Variants in RAB31 observed in about 807,000 individuals in gnomAD.
RAB31 encodes the protein ras-related protein Rab-31.
Under a neutral mutation model 25.6 loss-of-function variants are expected in RAB31, and 21 were observed. The ratio of observed to expected loss-of-function variants is 0.82; its 90% CI spans 0.58 to 1.18. The LOEUF (loss-of-function observed/expected upper bound fraction) is 1.18, where lower values mean the gene tolerates loss of function less well. Among genes scored for constraint, RAB31 ranks in the 50% most tolerant of loss-of-function variants. The probability of loss-of-function intolerance (pLI) is 0.00; values close to 1 mark genes in which losing one functional copy is unlikely to be tolerated. For synonymous variants in RAB31, 87 were observed against 84.0 expected (o/e 1.04, Z -0.20); for missense variants, 196 against 250.1 (o/e 0.78, Z 1.46).
intron 2 of RAB31, among the ~76,000 whole-genome samples, chr18:9,791,873 G>A (rs1482571899): frequency 2.0e-5 from 3 of 152,222 alleles, no homozygotes; most frequent in Admixed American, 2.0e-4. Flanking sequence ...CAAAGTGCCG[G>A]GATTACGGCA....
At chr18:9,754,279 AC>A (rs1205204928) in intron 1 of RAB31, among the ~76,000 whole-genome samples, 3 of 151,858 alleles carry the variant, frequency 2.0e-5, no homozygotes, top group African/African-American at 7.3e-5. Context: ...ACAAGTACAG[AC>A]TTTTTTCTCT....
chr18:9,773,696 G>A (rs1032947822), intron 1 of RAB31, among the ~76,000 whole-genome samples: 1 of 152,060 alleles, frequency 6.6e-6, no homozygotes, highest in Non-Finnish European at 1.5e-5. Flanking sequence ...ATCTCACTCT[G>A]TCACCCAGGC....
intron 1 of RAB31, among the ~76,000 whole-genome samples, chr18:9,711,699 AG>A (rs1297609849): frequency 6.6e-6 from 1 of 152,112 alleles, no homozygotes; most frequent in Admixed American, 6.6e-5. Flanking sequence ...CCTGTTTTTT[AG>A]CCATGAGACA....
chr18:9,756,834 C>T (rs1457674904), intron 1 of RAB31, among the ~76,000 whole-genome samples: 2 of 152,190 alleles, frequency 1.3e-5, no homozygotes, highest in African/African-American at 4.8e-5. Context: ...CTTAAAATTC[C>T]ACCACTGTGT....
chr18:9,810,594 C>T (rs944498065), intron 3 of RAB31, among the ~76,000 whole-genome samples: 5 of 152,122 alleles, frequency 3.3e-5, no homozygotes, highest in African/African-American at 7.2e-5. Context: ...TATTTCAAAG[C>T]GATTCCATTT....
intron 5 of RAB31, among the ~76,000 whole-genome samples, chr18:9,832,530 G>A (rs1025185361): frequency 1.6e-4 from 24 of 152,226 alleles, no homozygotes; most frequent in African/African-American, 5.1e-4. Context: ...GCTTGCAGGC[G>A]AAGGAGGAGA....
intron 3 of RAB31, among the ~76,000 whole-genome samples, chr18:9,812,807 C>T (rs2143074670): frequency 6.7e-6 from 1 of 149,532 alleles, no homozygotes; most frequent in East Asian, 2.0e-4. Flanking sequence ...TAGCATTTCT[C>T]CTGCCTCAGC....
intron 3 of RAB31, chr18:9,797,634 T>G (rs2068493422): frequency 6.6e-6 from 1 of 152,076 alleles, no homozygotes; most frequent in South Asian, 2.1e-4. Context: ...GATTGAAAAA[T>G]CACACAAAAA....
At chr18:9,712,080 C>T (rs1401337357) in intron 1 of RAB31, among the ~76,000 whole-genome samples, 1 of 152,302 alleles carries the variant, frequency 6.6e-6, no homozygotes, top group African/African-American at 2.4e-5. Context: ...GGGCCGGGTG[C>T]CAGGTCTTCT....
In RAB31 at chr18:9,841,780, A is replaced by T. The variant is rs944270735; in HGVS notation, c.381-3802A>T. On this transcript the variant is annotated intron_variant, in intron 5 of 6. Transcript: ENST00000578921. ...GGGAAACAGAACGATGGAATATCAG[A>T]TGAGTTAACATGTCATGTAAGGATT... is the stretch of plus-strand genomic sequence containing the variant. Among the ~76,000 whole-genome samples the T allele has an allele frequency of 2.0e-5, 3 of 152,158 alleles. No individual in the cohort carries two copies. The East Asian group carries it at 5.8e-4, about 29-fold the overall frequency.
chr18:9,843,001 C>A (rs1284154651), intron 5 of RAB31, among the ~76,000 whole-genome samples: 1 of 152,222 alleles, frequency 6.6e-6, no homozygotes, highest in Non-Finnish European at 1.5e-5. Flanking sequence ...GGCTGTGGTA[C>A]ATGATAACTG....
intron 3 of RAB31, among the ~76,000 whole-genome samples, chr18:9,805,977 A>C (rs544051744): frequency 2.6e-5 from 4 of 152,210 alleles, no homozygotes. Context: ...GATCGGGACC[A>C]TCCTGGCTAA....
chr18:9,782,107 C>T lies in RAB31; in HGVS notation c.119+6750C>T, dbSNP rs561001205. On this transcript the variant is annotated intron_variant, in intron 2 of 6. Coordinates refer to ENST00000578921, the MANE Select transcript of RAB31 (RefSeq NM_006868.4). ...ACTCCGCATGGGTGGCCAGGCCTCC[C>T]GGCTTCATGCCATTCCCGCTAGGTA... Among the ~76,000 whole-genome samples, 34 of 151,150 alleles carry T rather than the reference C, an allele frequency of 2.2e-4. 2 individuals carry two copies. The highest frequency in any genetic ancestry group is 1.6e-3 in the Admixed American group (25 of 15,270).
intron 1 of RAB31, among the ~76,000 whole-genome samples, chr18:9,741,040 G>A (rs185416257): frequency 6.6e-6 from 1 of 152,212 alleles, no homozygotes; most frequent in Non-Finnish European, 1.5e-5. Flanking sequence ...CATTGAGGCT[G>A]GTGACTCCTG....
intron 5 of RAB31, among the ~76,000 whole-genome samples, chr18:9,843,973 G>A (rs2068747642): frequency 6.6e-6 from 1 of 152,198 alleles, no homozygotes; most frequent in African/African-American, 2.4e-5. Flanking sequence ...CTCTGGGGCA[G>A]GTGGAGGAAG....
chr18:9,837,021 AT>A (rs1479869760), intron 5 of RAB31, among the ~76,000 whole-genome samples: 1 of 149,214 alleles, frequency 6.7e-6, no homozygotes, highest in Non-Finnish European at 1.5e-5. Context: ...TGTGTGTGGA[AT>A]GGGGTGAAAC....
At chr18:9,751,092 C>T (rs1414729654) in intron 1 of RAB31, among the ~76,000 whole-genome samples, 1 of 152,072 alleles carries the variant, frequency 6.6e-6, no homozygotes, top group African/African-American at 2.4e-5. Flanking sequence ...TGGAGTGCAG[C>T]GGTGTGATCA....
intron 5 of RAB31, among the ~76,000 whole-genome samples, chr18:9,820,692 C>T (rs1391398573): frequency 6.6e-6 from 1 of 151,894 alleles, no homozygotes; most frequent in Admixed American, 6.6e-5. Context: ...TTTTCTTAAT[C>T]CCATGACCAA....
At chr18:9,722,383 T>A (rs2068077541) in intron 1 of RAB31, among the ~76,000 whole-genome samples, 1 of 152,106 alleles carries the variant, frequency 6.6e-6, no homozygotes. Context: ...AAGGTAGAGC[T>A]GACAAACGTT....
Sources: allele counts gnomAD v4.1 joint callset (sites outside exome capture counted in the v4.1 genomes callset), GRCh38; gene constraint gnomAD v4.1.1; transcripts MANE v1.5; gene names NCBI Gene and HGNC (gene_info 2026-07-23, HGNC 2026-07-21).